The following CCSER1 variants were observed in gnomAD, a reference collection of about 807,000 sequenced individuals.
CCSER1 encodes the protein serine-rich coiled-coil domain-containing protein 1.
A neutral mutation model predicts 82.0 loss-of-function variants in CCSER1; 41 were observed. The ratio of observed to expected loss-of-function variants is 0.50; its 90% CI spans 0.39 to 0.65. The LOEUF (loss-of-function observed/expected upper bound fraction) is 0.65, where lower values mean the gene tolerates loss of function less well. Ranked by LOEUF, CCSER1 falls within the 30% of genes least tolerant of loss-of-function variation. The pLI is 0.00. For synonymous variants in CCSER1, 414 were observed against 383.9 expected, an observed-to-expected ratio of 1.08 and a Z score of -0.92; for missense variants, 1,119 against 1,064.2, an observed-to-expected ratio of 1.05 and a Z score of -0.72.
At chr4:90,605,348 C>T (rs928589001) in intron 5 of CCSER1, among the ~76,000 whole-genome samples, 2 of 152,096 alleles carry the variant, frequency 1.3e-5, no homozygotes, top group African/African-American at 2.4e-5. Flanking sequence ...CCAAAGTATG[C>T]ATGTGTTGTG....
At chr4:90,439,258 A>G (rs983486075) in intron 4 of CCSER1, among the ~76,000 whole-genome samples, 1 of 152,190 alleles carries the variant, frequency 6.6e-6, no homozygotes, top group Non-Finnish European at 1.5e-5. Context: ...ACTGCACTCT[A>G]GCCCGTGTGA....
At chr4:91,028,353 TC>T (rs757227546) in intron 9 of CCSER1, among the ~76,000 whole-genome samples, 4 of 151,964 alleles carry the variant, frequency 2.6e-5, no homozygotes, top group Non-Finnish European at 5.9e-5. Context: ...GCTGATGAGA[TC>T]AAATCATATG....
intron 6 of CCSER1, among the ~76,000 whole-genome samples, chr4:90,630,003 T>C (rs889191663): frequency 1.3e-5 from 2 of 152,230 alleles, no homozygotes; most frequent in African/African-American, 4.8e-5. Context: ...TTATGTCATT[T>C]TGGTAGCTTG....
intron 9 of CCSER1, among the ~76,000 whole-genome samples, chr4:91,057,745 G>A (rs978336314): frequency 6.6e-6 from 1 of 152,110 alleles, no homozygotes; most frequent in African/African-American, 2.4e-5. Flanking sequence ...ATATCAGTAT[G>A]AGAGTGGTTA....
chr4:90,697,749 T>C (rs1737247030), intron 6 of CCSER1, among the ~76,000 whole-genome samples: 1 of 152,160 alleles, frequency 6.6e-6, no homozygotes, highest in African/African-American at 2.4e-5. Context: ...AGGAGAACAA[T>C]TGATTTGCAG....
chr4:91,290,670 T>C lies in CCSER1; in HGVS notation c.2217+204676T>C, dbSNP rs540535751. ...TATGTATTTCATGTTGTTACAGTTT[T>C]GTCTTACCAAAATTAACATATTCTT... is the stretch of plus-strand genomic sequence containing the variant. On this transcript the variant is annotated intron_variant, in intron 10 of 10. Coordinates refer to ENST00000509176, the MANE Select transcript of CCSER1 (RefSeq NM_001145065.2). Among the ~76,000 whole-genome samples, 4 of 152,120 alleles carry C rather than the reference T, an allele frequency of 2.6e-5. No individual in the cohort carries two copies. The South Asian group carries it at 8.3e-4, about 32-fold the overall frequency.
chr4:91,074,894 T>C (rs1721804932), intron 9 of CCSER1, among the ~76,000 whole-genome samples: 1 of 152,182 alleles, frequency 6.6e-6, no homozygotes, highest in Admixed American at 6.5e-5. Context: ...AGAAATAAAA[T>C]ATTTATTCCA....
chr4:90,501,015 A>G (rs1405345817), intron 5 of CCSER1, among the ~76,000 whole-genome samples: 3 of 152,114 alleles, frequency 2.0e-5, no homozygotes, highest in Non-Finnish European at 4.4e-5. Flanking sequence ...TATAGAGCAA[A>G]CAAGTATAGT....
At chr4:90,344,211 G>A (rs1741927000) in intron 3 of CCSER1, among the ~76,000 whole-genome samples, 1 of 152,206 alleles carries the variant, frequency 6.6e-6, no homozygotes, top group Non-Finnish European at 1.5e-5. Flanking sequence ...TGTTCCAGAT[G>A]AAAGGATGCC....
intron 10 of CCSER1, among the ~76,000 whole-genome samples, chr4:91,167,624 G>C (rs1732237798): frequency 6.6e-6 from 1 of 152,156 alleles, no homozygotes; most frequent in African/African-American, 2.4e-5. Context: ...GACAGTTTGA[G>C]TGTGTTTTCA....
At chr4:91,025,224 TA>T (rs1267373714) in intron 9 of CCSER1, among the ~76,000 whole-genome samples, 2 of 152,120 alleles carry the variant, frequency 1.3e-5, no homozygotes, top group African/African-American at 2.4e-5. Flanking sequence ...CCTGGGAGTT[TA>T]AAAAATGGAA....
At chr4:91,001,866 G>A (rs534601139) in intron 9 of CCSER1, among the ~76,000 whole-genome samples, 1 of 152,182 alleles carries the variant, frequency 6.6e-6, no homozygotes, top group Admixed American at 6.5e-5. Flanking sequence ...GAGAATTATG[G>A]TTTAAAGAGG....
intron 8 of CCSER1, among the ~76,000 whole-genome samples, chr4:90,904,781 A>C (rs931384448): frequency 6.6e-6 from 1 of 152,094 alleles, no homozygotes; most frequent in Non-Finnish European, 1.5e-5. Context: ...AGCTTTCATC[A>C]GCTAAACCCT....
chr4:90,276,812 G>T (rs72879731), intron 1 of CCSER1, among the ~76,000 whole-genome samples: 7,382 of 152,120 alleles, frequency 0.049, 471 homozygotes, highest in African/African-American at 0.15. Context: ...TCACCTCCTT[G>T]GTTAGATGCA....
At chr4:90,261,257 T>C (rs1443957580) in intron 1 of CCSER1, among the ~76,000 whole-genome samples, 2 of 150,904 alleles carry the variant, frequency 1.3e-5, no homozygotes, top group African/African-American at 5.0e-5. Flanking sequence ...TGGTTCAAGA[T>C]TTAGAACTTT....
rs558596349 is a variant in CCSER1 at position 91,114,380 on chromosome 4, C to G, written c.2217+28386C>G. 2.0e-5 allele frequency among the ~76,000 whole-genome samples: 3 copies of G among 152,240 alleles called. No individual in the cohort carries two copies. The East Asian group carries it at 5.8e-4, about 30-fold the overall frequency. On this transcript the variant is annotated intron_variant, in intron 10 of 10. Coordinates refer to ENST00000509176, the MANE Select transcript of CCSER1 (RefSeq NM_001145065.2). ...TGACTTCCATTATCAACACTTGGAT[C>G]TTAAACACTTAGAAGCACATTCCTA...
In CCSER1 at chr4:91,177,751, C is replaced by G. The variant is rs370618687; in HGVS notation, c.2217+91757C>G. On this transcript the variant is annotated intron_variant, in intron 10 of 10. Coordinates refer to ENST00000509176, the MANE Select transcript of CCSER1 (RefSeq NM_001145065.2). ...TTAGCAGTCTGTCGATTTTGTTGAT[C>G]TTTTCAAAAAACAATCTCCTGGATT... is the stretch of plus-strand genomic sequence containing the variant. 2.7e-4 allele frequency among the ~76,000 whole-genome samples: 41 copies of G among 152,062 alleles called. 1 individual carries two copies. Among genetic ancestry groups the G allele is most frequent in the Non-Finnish European group, 5.4e-4 (37 of 67,998 alleles).
chr4:91,132,404 A>G (rs1728074824), intron 10 of CCSER1, among the ~76,000 whole-genome samples: 1 of 152,210 alleles, frequency 6.6e-6, no homozygotes, highest in Non-Finnish European at 1.5e-5. Context: ...TAAATTAGGA[A>G]ATCGACACTG....
At chr4:90,228,324 C>T (rs984301680) in intron 1 of CCSER1, among the ~76,000 whole-genome samples, 47 of 152,168 alleles carry the variant, frequency 3.1e-4, no homozygotes, top group East Asian at 7.7e-4. Flanking sequence ...CCCTGACCCC[C>T]GAGCAGCCTA....
Sources: allele counts gnomAD v4.1 joint callset (sites outside exome capture counted in the v4.1 genomes callset), GRCh38; gene constraint gnomAD v4.1.1; transcripts MANE v1.5; gene names NCBI Gene and HGNC (gene_info 2026-07-23, HGNC 2026-07-21).